Variants in ACOXL observed in about 807,000 individuals in gnomAD.
The protein encoded by ACOXL is acyl-coenzyme A oxidase-like protein.
Under a neutral mutation model 71.9 loss-of-function variants are expected in ACOXL, and 70 were observed. The observed-to-expected ratio is 0.97, with a 90% confidence interval of 0.80 to 1.19. ACOXL has a LOEUF of 1.19. ACOXL is among the 50% of genes most tolerant of loss of function. The pLI, the probability that ACOXL is intolerant of heterozygous loss-of-function variation, is 0.00. For synonymous variants in ACOXL, 253 were observed against 281.6 expected, an observed-to-expected ratio of 0.90 and a Z score of 1.02; for missense variants, 703 against 736.3, an observed-to-expected ratio of 0.95 and a Z score of 0.52.
Position 110,829,193 on chromosome 2 carries a change from G to A in ACOXL, c.754-12178G>A, listed in dbSNP as rs186722147. Among the ~76,000 whole-genome samples, 668 of 152,258 alleles carry A rather than the reference G, an allele frequency of 4.4e-3. 3 individuals are homozygous for A. Among genetic ancestry groups the A allele is most frequent in the Non-Finnish European group, 5.5e-3 (371 of 68,024 alleles). On this transcript the variant is annotated intron_variant, in intron 9 of 17. Coordinates refer to ENST00000439055, the MANE Select transcript of ACOXL (RefSeq NM_001142807.4). ...GTATGTTTGATACTTGTTATATTTC[G>A]TTGTTTCGTGACTTTTCTTTTTGTG...
At chr2:111,071,686 G>A (rs1481018466) in intron 16 of ACOXL, among the ~76,000 whole-genome samples, 2 of 152,176 alleles carry the variant, frequency 1.3e-5, no homozygotes, top group Non-Finnish European at 2.9e-5. Context: ...TCTGACACTG[G>A]AGGGCCAACC....
At chr2:111,043,642 G>A (rs2065886568) in intron 15 of ACOXL, among the ~76,000 whole-genome samples, 1 of 152,176 alleles carries the variant, frequency 6.6e-6, no homozygotes, top group African/African-American at 2.4e-5. Context: ...GACCCTCAAG[G>A]CTCTCAAGGA....
chr2:111,011,670 C>T (rs2064164317), intron 14 of ACOXL, among the ~76,000 whole-genome samples: 2 of 151,858 alleles, frequency 1.3e-5, no homozygotes, highest in South Asian at 4.2e-4. Flanking sequence ...ATCGCTTGAG[C>T]CCAGGAGTTT....
intron 15 of ACOXL, among the ~76,000 whole-genome samples, chr2:111,037,462 C>T (rs970893997): frequency 6.6e-6 from 1 of 152,150 alleles, no homozygotes; most frequent in Non-Finnish European, 1.5e-5. Flanking sequence ...TTATGGAGGA[C>T]TCTCAAGAAC....
chr2:111,074,626 A>T (rs1305829630), intron 16 of ACOXL, among the ~76,000 whole-genome samples: 2 of 151,978 alleles, frequency 1.3e-5, no homozygotes, highest in African/African-American at 4.8e-5. Context: ...ACCAGGTCTC[A>T]TACCATCTCC....
At chr2:111,001,470 A>G (rs892849086) in intron 14 of ACOXL, among the ~76,000 whole-genome samples, 3 of 152,236 alleles carry the variant, frequency 2.0e-5, no homozygotes, top group African/African-American at 7.2e-5. Context: ...GATGCCTCAG[A>G]GGGAAGAAGC....
In ACOXL at chr2:110,799,004, C is replaced by T. The variant is rs1573568223; in HGVS notation, c.461-10C>T. On this transcript the variant is annotated splice_polypyrimidine_tract_variant and intron_variant, in intron 6 of 17. Coordinates refer to ENST00000439055, the MANE Select transcript of ACOXL (RefSeq NM_001142807.4). ...GGAGAGCTTAATAATGATCTCGATGCCTTCCTTAGGGCCCCACTGTTTCAT... is the reference window on the plus strand; with the variant it reads ...GGAGAGCTTAATAATGATCTCGATGTCTTCCTTAGGGCCCCACTGTTTCAT... 6.2e-7 allele frequency: 1 copy of T among 1,613,642 alleles called. No individual in the cohort carries two copies. The highest frequency in any genetic ancestry group is 1.3e-5 in the African/African-American group (1 of 74,978).
chr2:110,859,242 G>T (rs149701361), intron 10 of ACOXL, among the ~76,000 whole-genome samples: 12 of 152,310 alleles, frequency 7.9e-5, no homozygotes, highest in Non-Finnish European at 1.8e-4. Flanking sequence ...TTGACCGGAC[G>T]CTGTGTAGTC....
chr2:110,823,583 A>G (rs942432593), intron 9 of ACOXL, among the ~76,000 whole-genome samples: 5 of 152,230 alleles, frequency 3.3e-5, no homozygotes, highest in African/African-American at 1.2e-4. Context: ...TTTCACCAGC[A>G]ATTAATGAGA....
At chr2:111,011,040 CT>C (rs1218221722) in intron 14 of ACOXL, among the ~76,000 whole-genome samples, 1 of 152,084 alleles carries the variant, frequency 6.6e-6, no homozygotes, top group East Asian at 1.9e-4. Context: ...TTAAGGACTA[CT>C]TTTTTTGTCT....
rs577210290 is a variant in ACOXL at position 111,040,662 on chromosome 2, C to T, written c.1370-8556C>T. Among the ~76,000 whole-genome samples, 10 of 152,160 alleles carry T rather than the reference C, an allele frequency of 6.6e-5. No individual in the cohort carries two copies. The South Asian group carries it at 1.2e-3, about 19-fold the overall frequency. On this transcript the variant is annotated intron_variant, in intron 15 of 17. Coordinates refer to ENST00000439055, the MANE Select transcript of ACOXL (RefSeq NM_001142807.4). ...GGTGCAGGGTCCACGCGGCTCCCCA[C>T]GAAGTTCCAGTGAGGCAAGCAGCAT...
At chr2:110,844,814 T>C (rs548813418) in intron 10 of ACOXL, among the ~76,000 whole-genome samples, 1 of 152,254 alleles carries the variant, frequency 6.6e-6, no homozygotes, top group Admixed American at 6.5e-5. Flanking sequence ...CCCAAAGTGC[T>C]GGGATTACAG....
chr2:111,036,183 A>C (rs900850465), intron 15 of ACOXL, among the ~76,000 whole-genome samples: 2 of 152,164 alleles, frequency 1.3e-5, no homozygotes, highest in African/African-American at 4.8e-5. Flanking sequence ...CTGGAGGTGG[A>C]GGCCTGGAGG....
intron 14 of ACOXL, among the ~76,000 whole-genome samples, chr2:111,031,308 C>G (rs1447728751): frequency 6.6e-6 from 1 of 152,214 alleles, no homozygotes; most frequent in Admixed American, 6.5e-5. Context: ...TTGAATTCTT[C>G]AGGCAGTAAG....
At chr2:111,063,746 T>A (rs2066924927) in intron 16 of ACOXL, among the ~76,000 whole-genome samples, 1 of 152,206 alleles carries the variant, frequency 6.6e-6, no homozygotes, top group African/African-American at 2.4e-5. Flanking sequence ...CTATTTCTAT[T>A]CAATGTAGTA....
chr2:110,854,873 C>T (rs1693050726), intron 10 of ACOXL, among the ~76,000 whole-genome samples: 1 of 152,218 alleles, frequency 6.6e-6, no homozygotes, highest in Non-Finnish European at 1.5e-5. Context: ...CCTAGCACCC[C>T]ACCTCCACCT....
At chr2:110,850,149 C>T (rs912263450) in intron 10 of ACOXL, among the ~76,000 whole-genome samples, 15 of 152,250 alleles carry the variant, frequency 9.9e-5, no homozygotes, top group East Asian at 7.7e-4. Context: ...AGCCTAAAAC[C>T]GTAAACCTTC....
chr2:110,966,258 C>T (rs1207530237), intron 12 of ACOXL, among the ~76,000 whole-genome samples: 1 of 152,152 alleles, frequency 6.6e-6, no homozygotes, highest in East Asian at 1.9e-4. Flanking sequence ...GTGGCGAATC[C>T]ACCCCCACTC....
At chr2:111,058,067 T>G (rs2066636422) in intron 16 of ACOXL, among the ~76,000 whole-genome samples, 1 of 152,180 alleles carries the variant, frequency 6.6e-6, no homozygotes, top group Admixed American at 6.5e-5. Flanking sequence ...TCAGACTGCT[T>G]TAGAAGACAG....
Sources: allele counts gnomAD v4.1 joint callset (sites outside exome capture counted in the v4.1 genomes callset), GRCh38; gene constraint gnomAD v4.1.1; transcripts MANE v1.5; gene names NCBI Gene and HGNC (gene_info 2026-07-23, HGNC 2026-07-21).